GSDMD: variants seen among roughly 807,000 people sequenced by gnomAD.
The protein encoded by GSDMD is gasdermin-D.
Under a neutral mutation model 46.7 loss-of-function variants are expected in GSDMD, and 46 were observed. The observed-to-expected ratio is 0.99, with a 90% confidence interval of 0.78 to 1.26. The LOEUF is 1.26. Among genes scored for constraint, GSDMD ranks in the 50% most tolerant of loss-of-function variants. GSDMD has a pLI of 0.00. For synonymous variants in GSDMD, 307 were observed against 283.1 expected (o/e 1.08, Z -0.85); for missense variants, 649 against 638.8 (o/e 1.02, Z -0.17).
intron 3 of GSDMD, chr8:143,560,194 G>A (rs917650775): frequency 1.4e-6 from 1 of 699,362 alleles, no homozygotes; most frequent in Non-Finnish European, 2.6e-6. Context: ...TCTTGGGAAG[G>A]TCACAACCTT....
Position 143,562,263 on chromosome 8 carries a change from G to A in GSDMD, c.1051G>A (p.Ala351Thr), listed in dbSNP as rs113791380. 1.3e-6 allele frequency: 2 copies of A among 1,559,328 alleles called. No homozygotes were observed. The highest frequency in any genetic ancestry group is 8.7e-7 in the Non-Finnish European group (1 of 1,153,342). Reference protein sequence around the residue: ...PVEPLDGPAGAVLECLVLSSG... With the variant: ...PVEPLDGPAGTVLECLVLSSG... ...GGAGCCCCTGGACGGTCCAGCAGGT[G>A]CTGTCCTGGAGTGCCTGGTGTTGTC... is the stretch of plus-strand genomic sequence containing the variant. Residue 351 changes from alanine (A) to threonine (T), a missense_variant, in exon 9 of 11, where the codon GCT becomes ACT. By Grantham distance (58) the Ala-to-Thr change is moderately conservative. Coordinates refer to ENST00000262580, the MANE Select transcript of GSDMD (RefSeq NM_024736.7).
intron 4 of GSDMD, 110 bp downstream of exon 4, chr8:143,560,881 C>A: frequency 1.4e-6 from 2 of 1,436,168 alleles, no homozygotes; most frequent in Non-Finnish European, 1.9e-6. Flanking sequence ...AGCTCCCAGC[C>A]CTGCGCTTGG....
rs569595625 is a variant in GSDMD at position 143,561,548 on chromosome 8, A to AC, written c.736+131dup. On this transcript the variant is annotated intron_variant, in intron 6 of 10. Transcript: ENST00000262580. ...CGGGCAGCCCCCTGAGGCGGTGGGC[A>AC]CCCCCCATACACACACAAGGGGCAA... 7.9e-6 allele frequency: 8 copies of AC among 1,006,704 alleles called. No homozygotes were observed. In the East Asian group the frequency reaches 1.8e-4, roughly 23 times the overall value. 62.4% of individuals were successfully genotyped at this position (1,006,704 alleles called of 1,614,324 possible).
upstream of GSDMD, among the ~76,000 whole-genome samples, chr8:143,556,967 C>T (rs1301087009): frequency 6.6e-6 from 1 of 152,262 alleles, no homozygotes; most frequent in African/African-American, 2.4e-5. Flanking sequence ...CACTTCCTCA[C>T]CCCAGAAAGA....
chr8:143,554,530 C>T (rs543837997), upstream of GSDMD, among the ~76,000 whole-genome samples: 5 of 151,954 alleles, frequency 3.3e-5, no homozygotes, highest in South Asian at 2.1e-4. Context: ...CTCACGTGCA[C>T]AAACGCACAC....
At chr8:143,560,851 C>T in intron 4 of GSDMD, 80 bp downstream of exon 4, 1 of 1,436,188 alleles carries the variant, frequency 7.0e-7, no homozygotes, top group East Asian at 2.7e-5. Context: ...GGGCTGGGCT[C>T]CGCCAAGGCC....
At chr8:143,560,907 C>A in intron 4 of GSDMD, 95 bp from the exon 5 acceptor site, 2 of 1,445,016 alleles carry the variant, frequency 1.4e-6, no homozygotes, top group Non-Finnish European at 1.9e-6. Flanking sequence ...GAGCCGAAGT[C>A]ACCTGGCGGC....
At chr8:143,561,268 G>A (rs1022588537) in intron 5 of GSDMD, 102 bp from the exon 6 acceptor site, 6 of 1,262,560 alleles carry the variant, frequency 4.8e-6, no homozygotes, top group African/African-American at 4.4e-5. Context: ...GGGTGATTGG[G>A]CAGGGCCTGA....
At position 143,559,493 on chromosome 8, in the gene GSDMD, G is replaced by A. The variant is rs143201688; in HGVS notation, c.158G>A (p.Arg53His). ...TCAAGCTCATGGTTCTGGAAACCCC[G>A]TTATAAGTGTGTCAACCTGTCTATC... is the stretch of plus-strand genomic sequence containing the variant. ...KPSSSWFWKPRYKCVNLSIKD... is the reference protein window; with the variant it reads ...KPSSSWFWKPHYKCVNLSIKD... The change falls in exon 2 of 11, where the codon CGT becomes CAT. Residue 53 changes from arginine (R) to histidine (H), a missense_variant. Transcript: ENST00000262580. 92 of 1,612,804 alleles carry A rather than the reference G, an allele frequency of 5.7e-5. No individual in the cohort carries two copies. The highest frequency in any genetic ancestry group is 3.1e-4 in the African/African-American group (23 of 74,956).
chr8:143,562,453 A>C lies in GSDMD; in HGVS notation c.1144A>C (p.Ser382Arg), dbSNP rs747678940. 2 of 1,608,246 alleles carry C rather than the reference A, an allele frequency of 1.2e-6. No homozygotes were observed. Among genetic ancestry groups the C allele is most frequent in the South Asian group, 1.1e-5 (1 of 90,682 alleles). ...TTTACCTGACTCTCTCCCAGTGCTG[A>C]GTGAAACGCAGCACAAGCTGCTGGC... is the stretch of plus-strand genomic sequence containing the variant. Reference protein sequence around the residue: ...VYLLGALTMLSETQHKLLAEA... With the variant: ...VYLLGALTMLRETQHKLLAEA... The change falls in exon 10 of 11, where the codon AGT (serine) becomes CGT (arginine). Residue 382 changes from serine (S) to arginine (R), a missense_variant. Ser to Arg is a moderately radical substitution (Grantham distance 110). Transcript: ENST00000262580.
At chr8:143,558,327 G>C, upstream of GSDMD, 1 of 1,522,694 alleles carries the variant, frequency 6.6e-7, no homozygotes, top group Non-Finnish European at 8.8e-7. Flanking sequence ...GGCGTCCTGG[G>C]CGGGCCCTGC....
In GSDMD at chr8:143,562,474, C is replaced by T. The variant is rs1161065736; in HGVS notation, c.1165C>T (p.Leu389=). The change falls in exon 10 of 11, where the codon CTG becomes TTG. Residue 389 remains leucine (L), a synonymous_variant. Transcript: ENST00000262580. ...TMLSETQHKL[L]AEALESQTLL... ...GCTGAGTGAAACGCAGCACAAGCTG[C>T]TGGCGGAGGCGCTGGAGTCGCAGAC... 1 of 1,609,300 alleles carries T rather than the reference C, an allele frequency of 6.2e-7. No homozygotes were observed. The highest frequency in any genetic ancestry group is 8.5e-7 in the Non-Finnish European group (1 of 1,179,672).
intron 6 of GSDMD, 49 bp downstream of exon 6, chr8:143,561,472 C>G (rs759272374): frequency 6.4e-7 from 1 of 1,566,502 alleles, no homozygotes. Flanking sequence ...GAAAAGCACA[C>G]TCCCTGGGCA....
At chr8:143,557,487 C>T (rs75436650), upstream of GSDMD, among the ~76,000 whole-genome samples, 5,034 of 127,716 alleles carry the variant, frequency 0.039, 208 homozygotes, top group Middle Eastern at 0.081. Flanking sequence ...GCTGTGACGA[C>T]GGATGCTGCC....
At position 143,560,615 on chromosome 8, in the gene GSDMD, G is replaced by A; in HGVS notation, c.423G>A (p.Gln141=). ...QTLLHERHLR[Q]PEHKVLQQLR... is the part of the protein sequence containing the mutation. ...TCCTCGGACACAGGCACCTGCGGCA[G>A]CCAGAACACAAAGTCCTGCAGCAGC... The change falls in exon 4 of 11, where the codon CAG becomes CAA. Residue 141 remains glutamine, a synonymous_variant. Coordinates refer to ENST00000262580, the MANE Select transcript of GSDMD (RefSeq NM_024736.7). 5.7e-6 allele frequency: 9 copies of A among 1,585,578 alleles called. No homozygotes were observed. The highest frequency in any genetic ancestry group is 6.9e-6 in the Non-Finnish European group (8 of 1,166,194).
In GSDMD at chr8:143,559,379, A is replaced by G. The variant is rs1387000875; in HGVS notation, c.44A>G (p.Glu15Gly). 3 of 1,604,314 alleles carry G rather than the reference A, an allele frequency of 1.9e-6. No individual in the cohort carries two copies. Among genetic ancestry groups the G allele is most frequent in the Non-Finnish European group, 2.6e-6 (3 of 1,176,078 alleles). The change falls in exon 2 of 11, where the codon GAG (glutamate) becomes GGG (glycine). Residue 15 changes from glutamate to glycine, a missense_variant. Physicochemically the swap from Glu to Gly is moderately conservative, Grantham distance 98. Coordinates refer to ENST00000262580, the MANE Select transcript of GSDMD (RefSeq NM_024736.7). The stretch of plus-strand genomic sequence containing the variant: ...CGGGTAGTCCGGAGAGTGGTCCAGG[A>G]GCTGGACCATGGTGGGGAGTTCATC... ...FERVVRRVVQ[E>G]LDHGGEFIPV...
chr8:143,561,501 T>C, intron 6 of GSDMD, 78 bp downstream of exon 6: 3 of 1,425,820 alleles, frequency 2.1e-6, no homozygotes, highest in Non-Finnish European at 2.9e-6. Context: ...CTTCTCCTCA[T>C]GTTCTCAGGG....
chr8:143,561,554 C>T, intron 6 of GSDMD, 131 bp downstream of exon 6: 1 of 971,898 alleles, frequency 1.0e-6, no homozygotes, highest in South Asian at 1.5e-5. Flanking sequence ...GGGCACCCCC[C>T]ATACACACAC....
intron 5 of GSDMD, 109 bp downstream of exon 5, chr8:143,561,213 C>A (rs528256988): frequency 6.4e-6 from 8 of 1,245,294 alleles, no homozygotes; most frequent in Non-Finnish European, 9.2e-6. Flanking sequence ...GGCTGAACAA[C>A]GTCCTGTGTC....
Sources: gnomAD v4.1 joint callset for allele counts (sites outside exome capture counted in the v4.1 genomes callset) on GRCh38, gnomAD v4.1.1 for gene constraint, MANE v1.5 for transcripts, NCBI Gene and HGNC (gene_info 2026-07-23, HGNC 2026-07-21) for gene names.